The following LRP4 variants were observed in gnomAD, a reference collection of about 807,000 sequenced individuals.
LRP4 encodes LDL receptor related protein 4.
LRP4 carries 95 observed loss-of-function variants against 220.3 expected under a neutral mutation model. That is an observed-to-expected ratio of 0.43 (90% confidence interval 0.37 to 0.51). The LOEUF (loss-of-function observed/expected upper bound fraction) is 0.51, where lower values mean the gene tolerates loss of function less well. LRP4 is among the 20% of genes least tolerant of loss of function. The probability of loss-of-function intolerance (pLI) is 0.00; values close to 1 mark genes in which losing one functional copy is unlikely to be tolerated. For missense variants in LRP4, 1,925 were observed against 2,567.0 expected (o/e 0.75, Z 5.40); for synonymous variants, 903 against 954.6 (o/e 0.95, Z 1.00).
intron 7 of LRP4, among the ~76,000 whole-genome samples, chr11:46,897,978 A>ATTGTCTTGTTTTTTGAGATGTCAT (rs1941575992): frequency 6.6e-6 from 1 of 150,556 alleles, no homozygotes; most frequent in Non-Finnish European, 1.5e-5. Flanking sequence ...CACCTCCCGG[A>ATTGTCTTGTTTTTTGAGATGTCAT]CGGGGCGGCT....
rs761010533 is a variant in LRP4, at chr11:46,858,960, G to A, written c.*23C>T. 1.5e-5 allele frequency: 24 copies of A among 1,607,880 alleles called. No homozygotes were observed. In the East Asian group the frequency reaches 3.3e-4, roughly 22 times the overall value. ...GTCCATAAAGGAGAAGGAACAGGCA[G>A]GCAGGGAAGAGAATGTGGGCATTTA... On this transcript the variant is annotated 3_prime_UTR_variant, in exon 38 of 38. Transcript: ENST00000378623.
intron 36 of LRP4, among the ~76,000 whole-genome samples, chr11:46,864,051 A>G (rs1267975195): frequency 6.6e-6 from 1 of 152,232 alleles, no homozygotes. Flanking sequence ...CCAATATTGT[A>G]GTAAAAGGCT....
At chr11:46,893,960 C>T (rs1000767592) in intron 12 of LRP4, among the ~76,000 whole-genome samples, 11 of 146,902 alleles carry the variant, frequency 7.5e-5, no homozygotes, top group Non-Finnish European at 4.4e-5. Context: ...GGCGTGATCT[C>T]GGCTCACCGC....
chr11:46,864,384 G>C, intron 36 of LRP4, 64 bp downstream of exon 36: 1 of 1,228,972 alleles, frequency 8.1e-7, no homozygotes, highest in South Asian at 1.2e-5. Flanking sequence ...AGAGCTTCGG[G>C]AGATCCCAGA....
chr11:46,911,880 T>A (rs1302322186), intron 1 of LRP4, among the ~76,000 whole-genome samples: 1 of 148,934 alleles, frequency 6.7e-6, no homozygotes, highest in East Asian at 2.0e-4. Flanking sequence ...TCTCGCTCTG[T>A]CGCTCAGCCT....
In LRP4 at chr11:46,859,160, C is replaced by T. The variant is rs780576799; in HGVS notation, c.5541G>A (p.Thr1847=). 2 of 1,614,022 alleles carry T rather than the reference C, an allele frequency of 1.2e-6. No individual in the cohort carries two copies. Among genetic ancestry groups the T allele is most frequent in the Middle Eastern group, 1.6e-4 (1 of 6,084 alleles). ...LRDHVCMKTD[T]VSIQASSGSL... Reference sequence around the variant, plus strand: ...AGCCAGAGCTGGCCTGGATGGACACCGTGTCTGTCTTCATGCATACATGAT... The same window carrying T: ...AGCCAGAGCTGGCCTGGATGGACACTGTGTCTGTCTTCATGCATACATGAT... Residue 1847 remains threonine, a synonymous_variant, in exon 38 of 38, where the codon ACG becomes ACA. Coordinates refer to ENST00000378623, the MANE Select transcript of LRP4 (RefSeq NM_002334.4).
At chr11:46,874,695 C>A in intron 28 of LRP4, 105 bp downstream of exon 28, 1 of 947,664 alleles carries the variant, frequency 1.1e-6, no homozygotes, top group Admixed American at 1.8e-5. Context: ...AACTCACTAT[C>A]CAAAGTGCCA....
At chr11:46,900,912 G>A (rs750522599) in intron 2 of LRP4, among the ~76,000 whole-genome samples, 23 of 151,568 alleles carry the variant, frequency 1.5e-4, no homozygotes, top group Non-Finnish European at 2.9e-4. Flanking sequence ...TCAGCCTCCC[G>A]AGTAGCTGGT....
chr11:46,891,464 C>CAG (rs1941422864), intron 13 of LRP4, among the ~76,000 whole-genome samples: 1 of 146,978 alleles, frequency 6.8e-6, no homozygotes, highest in African/African-American at 2.6e-5. Context: ...CACACACACA[C>CAG]AGACACACAC....
At chr11:46,866,424 G>GGCAT (rs1441677916) in intron 34 of LRP4, among the ~76,000 whole-genome samples, 1 of 151,344 alleles carries the variant, frequency 6.6e-6, no homozygotes. Flanking sequence ...TGGGACTACA[G>GGCAT]GCATGGGCCA....
At position 46,886,190 on chromosome 11, in the gene LRP4, C is replaced by T. The variant is rs1941289103; in HGVS notation, c.2425-18G>A. On this transcript the variant is annotated intron_variant, in intron 17 of 37. Coordinates refer to ENST00000378623, the MANE Select transcript of LRP4 (RefSeq NM_002334.4). ...ACTACCACCTGGGCAGGAAGCAAAG[C>T]TGTATCACCAACTGTACTTCCACTC... 1.9e-6 allele frequency: 3 copies of T among 1,610,500 alleles called. No individual in the cohort carries two copies. Among genetic ancestry groups the T allele is most frequent in the African/African-American group, 2.7e-5 (2 of 74,840 alleles).
At chr11:46,877,128 GGGAGA>G in intron 23 of LRP4, 66 bp downstream of exon 23, 1 of 1,549,010 alleles carries the variant, frequency 6.5e-7, no homozygotes, top group South Asian at 1.1e-5. Context: ...CAAAGGTGGT[GGGAGA>G]GGAAAGACAG....
intron 1 of LRP4, among the ~76,000 whole-genome samples, chr11:46,904,939 G>A (rs977033699): frequency 7.7e-6 from 1 of 129,048 alleles, no homozygotes; most frequent in Non-Finnish European, 1.5e-5. Context: ...TCTCACCACT[G>A]CACTCCAGCC....
intron 1 of LRP4, among the ~76,000 whole-genome samples, chr11:46,917,782 C>T (rs902378405): frequency 6.6e-6 from 1 of 152,136 alleles, no homozygotes; most frequent in Non-Finnish European, 1.5e-5. Flanking sequence ...CCCCAGAGCC[C>T]CTTGGTGGGA....
At chr11:46,870,973 T>G (rs1209938736) in intron 31 of LRP4, among the ~76,000 whole-genome samples, 1 of 152,204 alleles carries the variant, frequency 6.6e-6, no homozygotes, top group East Asian at 1.9e-4. Context: ...GTTCAGTCAC[T>G]CTAGTTCAAA....
At chr11:46,898,440 T>G in intron 7 of LRP4, 118 bp downstream of exon 7, 1 of 1,391,918 alleles carries the variant, frequency 7.2e-7, no homozygotes, top group Admixed American at 1.7e-5. Context: ...CCCACCTTGG[T>G]CTCCCAAAGT....
At chr11:46,903,005 G>A in intron 1 of LRP4, 76 bp from the exon 2 acceptor site, 1 of 1,586,268 alleles carries the variant, frequency 6.3e-7, no homozygotes, top group Non-Finnish European at 8.6e-7. Flanking sequence ...GAAAGTAGAG[G>A]AGCCTAGTCC....
intron 22 of LRP4, among the ~76,000 whole-genome samples, chr11:46,878,363 T>C (rs1461768256): frequency 4.7e-5 from 7 of 147,788 alleles, no homozygotes; most frequent in South Asian, 2.2e-4. Flanking sequence ...CACTGCAACC[T>C]TCACCTCCCA....
At position 46,902,850 on chromosome 11, in the gene LRP4, G is replaced by A. The variant is rs760552036; in HGVS notation, c.132C>T (p.Cys44=). The change falls in exon 2 of 38, where the codon TGC becomes TGT. Residue 44 remains cysteine, a synonymous_variant. Coordinates refer to ENST00000378623, the MANE Select transcript of LRP4 (RefSeq NM_002334.4). ...CAVSALGECT[C]IPAQWQCDGD... The stretch of plus-strand genomic sequence containing the variant: ...CATCACACTGCCACTGGGCAGGGAT[G>A]CAGGTACACTCTCCAAGAGCACTCA... 7.4e-6 allele frequency: 12 copies of A among 1,614,150 alleles called. No individual in the cohort carries two copies. The Admixed American group carries it at 1.8e-4, about 25-fold the overall frequency.
Sources: gnomAD v4.1 joint callset for allele counts (sites outside exome capture counted in the v4.1 genomes callset) on GRCh38, gnomAD v4.1.1 for gene constraint, MANE v1.5 for transcripts, NCBI Gene and HGNC (gene_info 2026-07-23, HGNC 2026-07-21) for gene names.